Variants in ZNF536 observed in about 807,000 individuals in gnomAD.
ZNF536 encodes zinc finger protein 536.
In ZNF536, 13 loss-of-function variants were observed where a neutral mutation model predicts 84.5. The ratio of observed to expected loss-of-function variants is 0.15; its 90% confidence interval spans 0.10 to 0.24. The LOEUF is 0.24. ZNF536 is among the 10% of genes least tolerant of loss of function. The probability of loss-of-function intolerance (pLI) is 1.00; values close to 1 mark genes in which losing one functional copy is unlikely to be tolerated. For synonymous variants in ZNF536, 811 were observed against 742.5 expected (o/e 1.09, Z -1.50); for missense variants, 1,536 against 1,747.5 (o/e 0.88, Z 2.16).
chr19:30,343,671 T>G (rs1350617200), intron 2 of ZNF536, among the ~76,000 whole-genome samples: 2 of 152,202 alleles, frequency 1.3e-5, no homozygotes, highest in Admixed American at 6.5e-5. Flanking sequence ...GTCCCATAGT[T>G]TCCACCTGAT....
At chr19:30,342,268 G>T (rs769702731) in intron 2 of ZNF536, among the ~76,000 whole-genome samples, 1 of 152,112 alleles carries the variant, frequency 6.6e-6, no homozygotes, top group African/African-American at 2.4e-5. Flanking sequence ...GATTTTTGCC[G>T]TAGTCAAATT....
In ZNF536 at chr19:30,549,535, C is replaced by T. The variant is rs762178205; in HGVS notation, c.3895+21C>T. On this transcript the variant is annotated intron_variant, in intron 4 of 4. Transcript: ENST00000355537. The stretch of plus-strand genomic sequence containing the variant: ...GTGTGGTAAGTTTTAGAATCCTCTT[C>T]CTATAGTTCATTTCCCAAAACATCA... 4.7e-6 allele frequency: 7 copies of T among 1,495,866 alleles called. No homozygotes were observed. In the African/African-American group the frequency reaches 8.4e-5, roughly 18 times the overall value. 92.7% of individuals were successfully genotyped at this position (1,495,866 alleles called of 1,614,324 possible). A position where few individuals can be genotyped will look rare whatever the true frequency, so the allele number is the denominator to read the frequency against.
chr19:30,456,636 A>G (rs554521383), intron 2 of ZNF536, among the ~76,000 whole-genome samples: 20 of 152,192 alleles, frequency 1.3e-4, no homozygotes, highest in Non-Finnish European at 2.1e-4. Flanking sequence ...TCATTCATAA[A>G]TACACTCATT....
chr19:30,389,892 T>C (rs1048922647), intron 1 of ZNF536, among the ~76,000 whole-genome samples: 2 of 152,234 alleles, frequency 1.3e-5, no homozygotes, highest in Non-Finnish European at 2.9e-5. Context: ...CTAAGGTCTC[T>C]AGAAAAAGAT....
chr19:30,641,429 C>T (rs2049262533), intron 1 of ZNF536, among the ~76,000 whole-genome samples: 1 of 152,106 alleles, frequency 6.6e-6, no homozygotes, highest in Non-Finnish European at 1.5e-5. Context: ...ATGTCATATA[C>T]ATGTAATATA....
chr19:30,695,336 G>A (rs534749906), intron 1 of ZNF536, among the ~76,000 whole-genome samples: 1 of 152,312 alleles, frequency 6.6e-6, no homozygotes, highest in South Asian at 2.1e-4. Flanking sequence ...AACAACGTCT[G>A]GTTCCTTATC....
At chr19:30,232,101 C>T (rs917268518) in intron 1 of ZNF536, among the ~76,000 whole-genome samples, 5 of 151,968 alleles carry the variant, frequency 3.3e-5, no homozygotes, top group Non-Finnish European at 5.9e-5. Flanking sequence ...ATGGAAGCCC[C>T]CTCAGGAAGG....
chr19:30,385,441 T>C (rs767284225), intron 1 of ZNF536, among the ~76,000 whole-genome samples: 3 of 152,114 alleles, frequency 2.0e-5, no homozygotes, highest in Non-Finnish European at 4.4e-5. Flanking sequence ...TAACGACCGT[T>C]ACCCTGGTTG....
chr19:30,250,170 C>T (rs1340993436), intron 1 of ZNF536, among the ~76,000 whole-genome samples: 1 of 152,160 alleles, frequency 6.6e-6, no homozygotes, highest in Non-Finnish European at 1.5e-5. Context: ...ATCCTTAATT[C>T]ACGATTCTGT....
intron 1 of ZNF536, among the ~76,000 whole-genome samples, chr19:30,241,803 C>G (rs1406195181): frequency 2.0e-5 from 3 of 152,198 alleles, no homozygotes; most frequent in Non-Finnish European, 4.4e-5. Context: ...TGCGCCATTT[C>G]AACCGTGCCC....
intron 1 of ZNF536, among the ~76,000 whole-genome samples, chr19:30,692,626 T>A (rs577059197): frequency 7.2e-5 from 11 of 152,320 alleles, no homozygotes; most frequent in Non-Finnish European, 1.5e-5. Flanking sequence ...GCGAAATCCG[T>A]CACGTCTTTT....
intron 2 of ZNF536, among the ~76,000 whole-genome samples, chr19:30,466,775 A>AGGAG (rs1356911934): frequency 6.9e-6 from 1 of 144,738 alleles, no homozygotes; most frequent in Non-Finnish European, 1.5e-5. Context: ...GAAGGAAGGA[A>AGGAG]GGAAGGAAGG....
intron 1 of ZNF536, among the ~76,000 whole-genome samples, chr19:30,387,100 G>A (rs1169692466): frequency 1.3e-5 from 2 of 152,210 alleles, no homozygotes; most frequent in East Asian, 3.9e-4. Context: ...GAGAAAAGGT[G>A]TTTGGTCAAA....
intron 2 of ZNF536, among the ~76,000 whole-genome samples, chr19:30,351,595 G>A (rs1411659115): frequency 1.3e-5 from 2 of 152,168 alleles, no homozygotes; most frequent in Non-Finnish European, 2.9e-5. Flanking sequence ...ATGATTTTAA[G>A]AACAATATCT....
intron 1 of ZNF536, among the ~76,000 whole-genome samples, chr19:30,408,263 G>T (rs2050345908): frequency 6.6e-6 from 1 of 152,180 alleles, no homozygotes; most frequent in African/African-American, 2.4e-5. Flanking sequence ...TCTGGGTGTT[G>T]CATTCTAGTA....
chr19:30,316,514 T>C (rs1469935167), intron 2 of ZNF536, among the ~76,000 whole-genome samples: 1 of 152,220 alleles, frequency 6.6e-6, no homozygotes. Context: ...TTGTTATACA[T>C]ATTTTAAACA....
Position 30,430,666 on chromosome 19 carries a change from C to T in ZNF536, c.-2-12895C>T, listed in dbSNP as rs1204594981. ...GGAAATGATATGCATAAAAGGATAC[C>T]AAGTTGCCCCTCTCTGCTCCCTGAG... On this transcript the variant is annotated intron_variant, in intron 1 of 4. Transcript: ENST00000355537. 4.6e-5 allele frequency among the ~76,000 whole-genome samples: 7 copies of T among 152,238 alleles called. No individual in the cohort carries two copies. In the East Asian group the frequency reaches 1.4e-3, roughly 29 times the overall value.
intron 2 of ZNF536, among the ~76,000 whole-genome samples, chr19:30,301,314 G>A (rs138441511): frequency 1.4e-4 from 21 of 152,280 alleles, no homozygotes; most frequent in African/African-American, 4.6e-4. Flanking sequence ...GCTGAGGTGC[G>A]TGCACTGTGC....
intron 1 of ZNF536, among the ~76,000 whole-genome samples, chr19:30,695,675 T>TA: frequency 6.6e-6 from 1 of 152,196 alleles, no homozygotes; most frequent in South Asian, 2.1e-4. Flanking sequence ...TGGATGGCTA[T>TA]AGAGGAGGGG....
Sources: gnomAD v4.1 joint callset for allele counts (sites outside exome capture counted in the v4.1 genomes callset) on GRCh38, gnomAD v4.1.1 for gene constraint, MANE v1.5 for transcripts, NCBI Gene and HGNC (gene_info 2026-07-23, HGNC 2026-07-21) for gene names.